EPHA8: variants seen among roughly 807,000 people sequenced by gnomAD.
EPHA8 encodes the protein ephrin type-A receptor 8.
EPHA8 carries 58 observed loss-of-function variants against 103.6 expected under a neutral mutation model. That is an observed-to-expected ratio of 0.56 (90% confidence interval 0.45 to 0.70). EPHA8 has a LOEUF of 0.70. Among genes scored for constraint, EPHA8 ranks in the 30% least tolerant of loss-of-function variants. The pLI is 0.00. For missense variants in EPHA8, 1,304 were observed against 1,395.2 expected (o/e 0.93, Z 1.04); for synonymous variants, 559 against 572.5 (o/e 0.98, Z 0.34).
At position 22,603,242 on chromosome 1, in the gene EPHA8, TAA is replaced by T. The variant is rs1641789137; in HGVS notation, c.*1502_*1503del. On this transcript the variant is annotated 3_prime_UTR_variant, in exon 17 of 17. Transcript: ENST00000166244. ...ACTGAGCCCCCTCTCCCTCCTGCAA[TAA>T]TTCGGGGAGTCTCAGCCCCATCCAG... 1 of 146,464 alleles carries T rather than the reference TAA, an allele frequency of 6.8e-6. No homozygotes were observed. The highest frequency in any genetic ancestry group is 1.5e-5 in the Non-Finnish European group (1 of 66,526). 9.1% of individuals were successfully genotyped at this position (146,464 alleles called of 1,614,324 possible).
In EPHA8 at chr1:22,589,242, C is replaced by A. The variant is rs766127390; in HGVS notation, c.1315+36C>A. On this transcript the variant is annotated intron_variant, in intron 5 of 16. Transcript: ENST00000166244. This position sits in a 1 kb window ranked among gnomAD's most constrained non-coding sequence, Gnocchi z 4.3. ...AAACTCCGTCCCGCAGCGTCCTGGT[C>A]CCCCAGCTTCCCCTGCCTCAGACCC... 6.2e-7 allele frequency: 1 copy of A among 1,613,986 alleles called. No homozygotes were observed. The highest frequency in any genetic ancestry group is 1.1e-5 in the South Asian group (1 of 91,074).
chr1:22,580,263 C>T lies in EPHA8; in HGVS notation c.823+3383C>T, dbSNP rs1001539585. ...AAGCGGTTCTCCTGCCTCAGCCTCC[C>T]GAGTAGCTAGAATTACAGGTGCCCG... On this transcript the variant is annotated intron_variant, in intron 3 of 16. Coordinates refer to ENST00000166244, the MANE Select transcript of EPHA8 (RefSeq NM_020526.5). Among the ~76,000 whole-genome samples, 5 of 151,194 alleles carry T rather than the reference C, an allele frequency of 3.3e-5. No homozygotes were observed. In the East Asian group the frequency reaches 7.8e-4, roughly 24 times the overall value.
chr1:22,564,908 C>G (rs779098159), intron 1 of EPHA8, among the ~76,000 whole-genome samples: 7 of 152,112 alleles, frequency 4.6e-5, no homozygotes, highest in Non-Finnish European at 1.0e-4. Context: ...CTTCCACGCC[C>G]AGACAGATCA....
At chr1:22,582,703 G>A (rs900503255) in intron 3 of EPHA8, among the ~76,000 whole-genome samples, 7 of 152,044 alleles carry the variant, frequency 4.6e-5, no homozygotes, top group African/African-American at 9.7e-5. Context: ...CCACAACTCC[G>A]GATCCAGTGA....
chr1:22,568,319 C>A (rs1179795550), intron 1 of EPHA8, among the ~76,000 whole-genome samples: 1 of 152,218 alleles, frequency 6.6e-6, no homozygotes, highest in Non-Finnish European at 1.5e-5. Flanking sequence ...CCTGCAGGGT[C>A]CCCTTTGCAG....
rs766646724 is a variant in EPHA8, at chr1:22,597,342, A to T, written c.1796A>T (p.His599Leu). 32 of 1,590,240 alleles carry T rather than the reference A, an allele frequency of 2.0e-5. 1 individual carries two copies. The South Asian group carries it at 3.5e-4, about 17-fold the overall frequency. Residue 599 changes from histidine (H) to leucine (L), a missense_variant, in exon 10 of 17, where the codon CAC (histidine) becomes CTC (leucine). By Grantham distance (99) the His-to-Leu change is moderately conservative. Coordinates refer to ENST00000166244, the MANE Select transcript of EPHA8 (RefSeq NM_020526.5). The surrounding 1 kb of genome is among the most constrained non-coding windows in gnomAD (Gnocchi z 4.6). ...APPPVFLPLH[H>L]PPGKLPEPQF... is the part of the protein sequence containing the mutation. Reference sequence around the variant, plus strand: ...CCACCTGTCTTCCTGCCTCTGCATCACCCCCCGGGAAAGCTCCCAGAGCCC... The same window carrying T: ...CCACCTGTCTTCCTGCCTCTGCATCTCCCCCCGGGAAAGCTCCCAGAGCCC...
intron 7 of EPHA8, among the ~76,000 whole-genome samples, chr1:22,594,021 C>A (rs372004972): frequency 6.6e-6 from 1 of 152,212 alleles, no homozygotes; most frequent in Non-Finnish European, 1.5e-5. Context: ...TTAGTAGAGA[C>A]GGGGTTTCAC....
intron 1 of EPHA8, among the ~76,000 whole-genome samples, chr1:22,565,641 G>T (rs936481188): frequency 6.6e-6 from 1 of 152,192 alleles, no homozygotes. Flanking sequence ...TCACAGGCTG[G>T]TAGCCCCAGA....
rs897227947 is a variant in EPHA8 at position 22,598,455 on chromosome 1, G to A, written c.2178+243G>A. On this transcript the variant is annotated intron_variant, in intron 12 of 16. Transcript: ENST00000166244. This position sits in a 1 kb window ranked among gnomAD's most constrained non-coding sequence, Gnocchi z 5.1. ...CTGCCCTGCACACAGGCTGAGGGGG[G>A]TGCCTCTGTGGGAATCCAGGCCCCA... Among the ~76,000 whole-genome samples the A allele has an allele frequency of 2.0e-5, 3 of 152,206 alleles. No individual in the cohort carries two copies. The highest frequency in any genetic ancestry group is 2.1e-4 in the South Asian group (1 of 4,828).
intron 5 of EPHA8, among the ~76,000 whole-genome samples, chr1:22,593,090 A>C (rs1641415473): frequency 1.3e-5 from 2 of 152,146 alleles, no homozygotes; most frequent in South Asian, 4.1e-4. Flanking sequence ...TGTCCAAGCC[A>C]ACCCCAACAT....
intron 1 of EPHA8, among the ~76,000 whole-genome samples, chr1:22,564,004 G>T (rs943545237): frequency 3.3e-5 from 5 of 151,962 alleles, no homozygotes; most frequent in Non-Finnish European, 5.9e-5. Flanking sequence ...TGTGCAGCTG[G>T]GGACAGAATA....
chr1:22,572,633 T>C (rs1640576405), intron 2 of EPHA8, among the ~76,000 whole-genome samples: 1 of 151,946 alleles, frequency 6.6e-6, no homozygotes, highest in South Asian at 2.1e-4. Context: ...CGCCCTGGAG[T>C]AGATGGAAGG....
At chr1:22,595,821 A>T (rs891996533) in intron 8 of EPHA8, among the ~76,000 whole-genome samples, 1 of 152,246 alleles carries the variant, frequency 6.6e-6, no homozygotes, top group Admixed American at 6.5e-5. Flanking sequence ...GGGTGGTTTC[A>T]TATAACATGG....
chr1:22,587,664 G>A (rs147922741), intron 4 of EPHA8, among the ~76,000 whole-genome samples: 130 of 152,328 alleles, frequency 8.5e-4, no homozygotes, highest in African/African-American at 3.0e-3. Context: ...GGCTCTTGTG[G>A]TAGGGCAAGA....
At position 22,578,855 on chromosome 1, in the gene EPHA8, A is replaced by C. The variant is rs992332558; in HGVS notation, c.823+1975A>C. On this transcript the variant is annotated intron_variant, in intron 3 of 16. Coordinates refer to ENST00000166244, the MANE Select transcript of EPHA8 (RefSeq NM_020526.5). The stretch of plus-strand genomic sequence containing the variant: ...TGTGTGTATATGCATGTGTGCATGC[A>C]TGTGTGTATATGCACGTGTCCGTGT... Among the ~76,000 whole-genome samples, 1,279 of 142,212 alleles carry C rather than the reference A, an allele frequency of 9.0e-3. 18 individuals carry two copies. The highest frequency in any genetic ancestry group is 0.032 in the African/African-American group (1,186 of 36,632). The allele number at this position is 142,212 out of a possible 152,430, so 93.3% of individuals were successfully genotyped here. A position where few individuals can be genotyped will look rare whatever the true frequency, so the allele number is the denominator to read the frequency against.
chr1:22,577,792 G>A (rs976770649), intron 3 of EPHA8, among the ~76,000 whole-genome samples: 23 of 148,500 alleles, frequency 1.5e-4, no homozygotes, highest in African/African-American at 5.8e-4. Context: ...ATGTGTGCGT[G>A]TGTGCGTAAG....
chr1:22,574,032 G>A (rs748625287), intron 2 of EPHA8, among the ~76,000 whole-genome samples: 23 of 152,312 alleles, frequency 1.5e-4, no homozygotes, highest in Non-Finnish European at 2.6e-4. Context: ...AGGTTGGAGC[G>A]CAGTGGCACA....
At chr1:22,574,688 A>G (rs1640635109) in intron 2 of EPHA8, among the ~76,000 whole-genome samples, 1 of 152,190 alleles carries the variant, frequency 6.6e-6, no homozygotes, top group African/African-American at 2.4e-5. Flanking sequence ...CTACTGGTTC[A>G]TTGACGTACA....
rs1480125020 is a variant in EPHA8, at chr1:22,576,060, A to G, written c.160-157A>G. Among the ~76,000 whole-genome samples, 2 of 151,280 alleles carry G rather than the reference A, an allele frequency of 1.3e-5. No homozygotes were observed. Among genetic ancestry groups the G allele is most frequent in the African/African-American group, 4.9e-5 (2 of 41,114 alleles). On this transcript the variant is annotated intron_variant, in intron 2 of 16. Coordinates refer to ENST00000166244, the MANE Select transcript of EPHA8 (RefSeq NM_020526.5). This position sits in a 1 kb window ranked among gnomAD's most constrained non-coding sequence, Gnocchi z 4.8. ...CCTGAAGATCGTGGCCCTCTTCGAG[A>G]TCATGTCTGCAGGGGGCCTGGCATC...
Sources: allele counts gnomAD v4.1 joint callset (sites outside exome capture counted in the v4.1 genomes callset), GRCh38; gene constraint gnomAD v4.1.1; non-coding constraint Gnocchi (gnomAD v3.1); transcripts MANE v1.5; gene names NCBI Gene and HGNC (gene_info 2026-07-23, HGNC 2026-07-21).